RAVER2: variants seen among roughly 807,000 people sequenced by gnomAD.
RAVER2 encodes ribonucleoprotein PTB-binding 2.
RAVER2 carries 46 observed loss-of-function variants against 78.1 expected under a neutral mutation model. The ratio of observed to expected loss-of-function variants is 0.59; its 90% CI spans 0.46 to 0.75. The LOEUF (loss-of-function observed/expected upper bound fraction) is 0.75, where lower values mean the gene tolerates loss of function less well. Among genes scored for constraint, RAVER2 ranks in the 30% least tolerant of loss-of-function variants. The pLI, the probability that RAVER2 is intolerant of heterozygous loss-of-function variation, is 0.00. For synonymous variants in RAVER2, 311 were observed against 313.3 expected, an observed-to-expected ratio of 0.99 and a Z score of 0.08; for missense variants, 793 against 837.5, an observed-to-expected ratio of 0.95 and a Z score of 0.66.
At chr1:64,812,888 T>C (rs1337983375) in intron 10 of RAVER2, 39 bp downstream of exon 10, 1 of 1,406,618 alleles carries the variant, frequency 7.1e-7, no homozygotes, top group Admixed American at 2.2e-5. Context: ...GGAGTTTTAC[T>C]GAATACTTTT....
chr1:64,756,333 G>C (rs1331024512), intron 1 of RAVER2, among the ~76,000 whole-genome samples: 1 of 151,990 alleles, frequency 6.6e-6, no homozygotes, highest in Non-Finnish European at 1.5e-5. Context: ...CTTTGAGACT[G>C]TTTAAATATC....
At chr1:64,748,566 G>C (rs954507321) in intron 1 of RAVER2, among the ~76,000 whole-genome samples, 1 of 152,166 alleles carries the variant, frequency 6.6e-6, no homozygotes, top group Non-Finnish European at 1.5e-5. Context: ...TTGAAGTTTT[G>C]TGTTCTGTCT....
At chr1:64,779,038 A>G (rs916311863) in intron 3 of RAVER2, among the ~76,000 whole-genome samples, 11 of 150,050 alleles carry the variant, frequency 7.3e-5, no homozygotes, top group Non-Finnish European at 1.6e-4. Flanking sequence ...TGTATTTATC[A>G]TGTATAACAT....
exon 3 of RAVER2, chr1:64,778,023 C>T: frequency 6.2e-7 from 1 of 1,614,064 alleles, no homozygotes; most frequent in Non-Finnish European, 8.5e-7. Context: ...ATAAACTCCC[C>T]AGTGACTACA....
intron 5 of RAVER2, among the ~76,000 whole-genome samples, chr1:64,800,469 G>T (rs1429104986): frequency 6.6e-6 from 1 of 152,064 alleles, no homozygotes; most frequent in African/African-American, 2.4e-5. Context: ...TTTATATATG[G>T]TGAGAGATAA....
chr1:64,787,275 G>A (rs1051350724), intron 4 of RAVER2, among the ~76,000 whole-genome samples: 1 of 152,088 alleles, frequency 6.6e-6, no homozygotes, highest in African/African-American at 2.4e-5. Context: ...TCTTTTGAAT[G>A]TATGAATATA....
At chr1:64,830,018 A>C (rs1284654904) in intron 11 of RAVER2, among the ~76,000 whole-genome samples, 1 of 152,196 alleles carries the variant, frequency 6.6e-6, no homozygotes, top group Non-Finnish European at 1.5e-5. Context: ...AAACAATTGC[A>C]GTTTTAATTG....
At chr1:64,768,342 G>T (rs1652227126) in intron 1 of RAVER2, among the ~76,000 whole-genome samples, 1 of 151,988 alleles carries the variant, frequency 6.6e-6, no homozygotes, top group Non-Finnish European at 1.5e-5. Context: ...TTCAGGCAAA[G>T]TTTGGGAAAT....
At chr1:64,781,439 G>A (rs372111952) in exon 4 of RAVER2, 17 of 1,613,572 alleles carry the variant, frequency 1.1e-5, no homozygotes, top group East Asian at 4.5e-5. Context: ...ATAGCACTGC[G>A]GAGCAGGCTG....
chr1:64,758,360 C>T lies in RAVER2; in HGVS notation c.250-10296C>T, dbSNP rs79688819. Among the ~76,000 whole-genome samples the T allele has an allele frequency of 2.0e-3, 311 of 152,136 alleles. 1 individual carries two copies. Among genetic ancestry groups the T allele is most frequent in the African/African-American group, 7.1e-3 (295 of 41,510 alleles). On this transcript the variant is annotated intron_variant, in intron 1 of 11. Coordinates refer to ENST00000294428, the Ensembl canonical transcript of RAVER2. ...TTTTTTGCAGGTGTAATTAAGGTTA[C>T]TAATCAGTTGATTTAGGGTTACACA...
intron 1 of RAVER2, among the ~76,000 whole-genome samples, chr1:64,750,183 T>C (rs1367027822): frequency 6.6e-6 from 1 of 152,210 alleles, no homozygotes; most frequent in Non-Finnish European, 1.5e-5. Context: ...AGAGACCCAT[T>C]TGAAACCATA....
exon 5 of RAVER2, chr1:64,789,429 A>C: frequency 1.2e-6 from 2 of 1,610,090 alleles, no homozygotes; most frequent in Non-Finnish European, 1.7e-6. Flanking sequence ...AGCCAAATCC[A>C]GTACAAATTA....
At chr1:64,772,325 G>C (rs1250047469) in intron 2 of RAVER2, among the ~76,000 whole-genome samples, 1 of 151,974 alleles carries the variant, frequency 6.6e-6, no homozygotes, top group Non-Finnish European at 1.5e-5. Context: ...TAAAACCTAA[G>C]TTGAGCAAAT....
chr1:64,783,658 T>C (rs1652698352), intron 4 of RAVER2, among the ~76,000 whole-genome samples: 1 of 152,180 alleles, frequency 6.6e-6, no homozygotes, highest in Non-Finnish European at 1.5e-5. Flanking sequence ...GTCACATGGG[T>C]AGACTGCAAA....
chr1:64,774,849 C>G (rs1652418794), intron 2 of RAVER2, among the ~76,000 whole-genome samples: 1 of 152,152 alleles, frequency 6.6e-6, no homozygotes, highest in Non-Finnish European at 1.5e-5. Flanking sequence ...TCTCTTATTT[C>G]ATTGAGCAGT....
At chr1:64,799,567 C>T (rs888028325) in intron 5 of RAVER2, among the ~76,000 whole-genome samples, 10 of 152,060 alleles carry the variant, frequency 6.6e-5, no homozygotes, top group African/African-American at 2.4e-4. Flanking sequence ...CTCAGCCTCC[C>T]GAGTAGCTAG....
At chr1:64,795,684 CTTA>C (rs1557597767) in intron 5 of RAVER2, among the ~76,000 whole-genome samples, 2 of 152,026 alleles carry the variant, frequency 1.3e-5, no homozygotes, top group Non-Finnish European at 2.9e-5. Context: ...GCTAAACTCA[CTTA>C]TTATTTCTAG....
At chr1:64,820,683 A>C (rs999390498) in intron 11 of RAVER2, among the ~76,000 whole-genome samples, 4 of 152,174 alleles carry the variant, frequency 2.6e-5, no homozygotes, top group Admixed American at 6.5e-5. Flanking sequence ...CTGTTCCTGC[A>C]TTAGTTTCCT....
chr1:64,802,702 T>G (rs1419994642), intron 5 of RAVER2, among the ~76,000 whole-genome samples: 1 of 152,176 alleles, frequency 6.6e-6, no homozygotes, highest in Non-Finnish European at 1.5e-5. Flanking sequence ...GGTGGATGTG[T>G]TTTGTTGCAC....
Sources: allele counts gnomAD v4.1 joint callset (sites outside exome capture counted in the v4.1 genomes callset), GRCh38; gene constraint gnomAD v4.1.1; transcripts MANE v1.5; gene names NCBI Gene and HGNC (gene_info 2026-07-23, HGNC 2026-07-21).